SLIT3: variants seen among roughly 807,000 people sequenced by gnomAD.
The protein encoded by SLIT3 is slit guidance ligand 3, also known as slit homolog 3 protein.
A neutral mutation model predicts 184.0 loss-of-function variants in SLIT3; 68 were observed. That is an observed-to-expected ratio of 0.37 (90% CI 0.30 to 0.45). The LOEUF is 0.45. Among genes scored for constraint, SLIT3 ranks in the 20% least tolerant of loss-of-function variants. The probability of loss-of-function intolerance (pLI) is 1.00; values close to 1 mark genes in which losing one functional copy is unlikely to be tolerated. For synonymous variants in SLIT3, 831 were observed against 828.6 expected, an observed-to-expected ratio of 1.00 and a Z score of -0.05; for missense variants, 1,707 against 2,026.0, an observed-to-expected ratio of 0.84 and a Z score of 3.02.
chr5:169,178,108 A>C (rs1763039345), intron 4 of SLIT3, among the ~76,000 whole-genome samples: 1 of 152,246 alleles, frequency 6.6e-6, no homozygotes, highest in Non-Finnish European at 1.5e-5. Flanking sequence ...TTCTGCAGCA[A>C]ATCTATCACC....
intron 4 of SLIT3, among the ~76,000 whole-genome samples, chr5:168,950,629 C>T (rs867917378): frequency 7.2e-5 from 11 of 152,186 alleles, no homozygotes; most frequent in Middle Eastern, 3.2e-3. Flanking sequence ...GCCTAGGGGC[C>T]AGTTTCCCAG....
At chr5:169,032,061 A>T (rs1757044894) in intron 4 of SLIT3, among the ~76,000 whole-genome samples, 1 of 152,182 alleles carries the variant, frequency 6.6e-6, no homozygotes, top group Non-Finnish European at 1.5e-5. Context: ...AGGACAGGCC[A>T]CATAACCAAC....
At chr5:168,719,507 T>C (rs529424576) in intron 23 of SLIT3, among the ~76,000 whole-genome samples, 31 of 152,376 alleles carry the variant, frequency 2.0e-4, no homozygotes, top group Non-Finnish European at 3.7e-4. Context: ...GTTAGGTTTA[T>C]TTCTCCATGT....
At chr5:169,064,806 T>C (rs1355122699) in intron 4 of SLIT3, among the ~76,000 whole-genome samples, 1 of 152,208 alleles carries the variant, frequency 6.6e-6, no homozygotes, top group Non-Finnish European at 1.5e-5. Flanking sequence ...TTTTGAATAT[T>C]TCATATAGAC....
chr5:168,770,025 AAG>A (rs1161895773), intron 14 of SLIT3, among the ~76,000 whole-genome samples: 2 of 152,204 alleles, frequency 1.3e-5, no homozygotes, highest in Admixed American at 6.5e-5. Flanking sequence ...ACTTTTCAGC[AAG>A]AGAGTTTCTT....
At position 169,187,460 on chromosome 5, in the gene SLIT3, C is replaced by T. The variant is rs376605570; in HGVS notation, c.413+6019G>A. Among the ~76,000 whole-genome samples the T allele has an allele frequency of 2.5e-4, 38 of 152,154 alleles. 1 individual carries two copies. The East Asian group carries it at 5.8e-3, about 23-fold the overall frequency. ...CCAAATATGGAACACACTATTTGAA[C>T]CTGAATCTGGGATAGGTGGGCCAAA... On this transcript the variant is annotated intron_variant, in intron 4 of 35. Transcript: ENST00000519560.
chr5:169,112,734 G>C (rs1248526117), intron 4 of SLIT3, among the ~76,000 whole-genome samples: 1 of 152,118 alleles, frequency 6.6e-6, no homozygotes, highest in Non-Finnish European at 1.5e-5. Context: ...GCACCCAATG[G>C]GAGTCATGAG....
chr5:168,950,477 T>G (rs1762615310), intron 4 of SLIT3, among the ~76,000 whole-genome samples: 1 of 152,224 alleles, frequency 6.6e-6, no homozygotes, highest in Non-Finnish European at 1.5e-5. Flanking sequence ...AGTCAATACT[T>G]TAGCCTTTGT....
At chr5:168,763,711 T>TG (rs1003184742) in intron 14 of SLIT3, among the ~76,000 whole-genome samples, 5 of 152,190 alleles carry the variant, frequency 3.3e-5, no homozygotes, top group Non-Finnish European at 7.4e-5. Context: ...TCATGCTGGT[T>TG]GGAACTGAAG....
Position 169,300,367 on chromosome 5 carries a change from C to A in SLIT3, c.197+146G>T. The A allele has an allele frequency of 9.0e-7, 1 of 1,107,980 alleles. No homozygotes were observed. The allele number at this position is 1,107,980 out of a possible 1,614,324, so 68.6% of individuals were successfully genotyped here. ...TGACCAAGCCTACAGACCCCCAGCT[C>A]GGAGAGTGAGGGATCGTATCCAGGA... is the stretch of plus-strand genomic sequence containing the variant. On this transcript the variant is annotated intron_variant, in intron 1 of 35. Transcript: ENST00000519560. The surrounding 1 kb of genome is among the most constrained non-coding windows in gnomAD (Gnocchi z 4.1).
intron 4 of SLIT3, among the ~76,000 whole-genome samples, chr5:168,937,130 T>C (rs1762183852): frequency 2.0e-5 from 3 of 151,858 alleles, no homozygotes; most frequent in Non-Finnish European, 4.4e-5. Flanking sequence ...GAAAAGCTCA[T>C]ATGAAGCCTT....
At chr5:168,771,208 G>A (rs762102094) in intron 14 of SLIT3, among the ~76,000 whole-genome samples, 7 of 152,172 alleles carry the variant, frequency 4.6e-5, no homozygotes, top group Non-Finnish European at 1.0e-4. Context: ...GAGGAAAGGT[G>A]CTGGGGATAG....
At chr5:168,994,736 C>T (rs1380577075) in intron 4 of SLIT3, among the ~76,000 whole-genome samples, 1 of 144,334 alleles carries the variant, frequency 6.9e-6, no homozygotes, top group African/African-American at 2.6e-5. Flanking sequence ...ACCTCCACCT[C>T]CCAGGTTCAA....
At chr5:169,240,335 G>A (rs1188982239) in intron 3 of SLIT3, among the ~76,000 whole-genome samples, 2 of 151,100 alleles carry the variant, frequency 1.3e-5, no homozygotes, top group African/African-American at 2.4e-5. Flanking sequence ...ACCAAAAAGT[G>A]TATCTTAACT....
chr5:169,189,043 A>C (rs1763452585), intron 4 of SLIT3, among the ~76,000 whole-genome samples: 1 of 152,086 alleles, frequency 6.6e-6, no homozygotes. Flanking sequence ...CATCGTAGAG[A>C]CCTCACTGGG....
chr5:169,113,333 G>A (rs1760481076), intron 4 of SLIT3, among the ~76,000 whole-genome samples: 1 of 152,076 alleles, frequency 6.6e-6, no homozygotes, highest in Admixed American at 6.6e-5. Context: ...TTGTATTTTT[G>A]TGACTAGCTT....
In SLIT3 at chr5:168,712,289, G is replaced by A. The variant is rs574153043; in HGVS notation, c.2549C>T (p.Ser850Phe). Reference sequence around the variant, plus strand: ...GAGAAACACTGCTACTTACAGATGGGAAAGAGATGTGAGGTCGTTGAAGGA... The same window carrying A: ...GAGAAACACTGCTACTTACAGATGGAAAAGAGATGTGAGGTCGTTGAAGGA... ...EGSFNDLTSL[S>F]HLALGTNPLH... The change falls in exon 24 of 36, where the codon TCC (serine) becomes TTC (phenylalanine). Residue 850 changes from serine to phenylalanine, a missense_variant. Around this residue, in one of 3 missense-constraint regions of SLIT3, gnomAD observed 1,307 missense variants for 1,511.6 expected, o/e 0.86. Transcript: ENST00000519560. 1.7e-5 allele frequency: 28 copies of A among 1,613,588 alleles called. No individual in the cohort carries two copies. The South Asian group carries it at 2.9e-4, about 16-fold the overall frequency.
chr5:168,873,439 G>A (rs935441393), intron 5 of SLIT3, among the ~76,000 whole-genome samples: 6 of 151,044 alleles, frequency 4.0e-5, no homozygotes, highest in Admixed American at 2.6e-4. Flanking sequence ...AGACCAGCCT[G>A]GGCAACATGG....
intron 4 of SLIT3, among the ~76,000 whole-genome samples, chr5:169,140,308 C>CAAAAAAAAAAAAAAA (rs10536624): frequency 2.4e-5 from 1 of 42,048 alleles, no homozygotes; most frequent in African/African-American, 9.5e-5. Flanking sequence ...ACTAAAAATG[C>CAAAAAAAAAAAAAAA]AAAAAAAAAA....
Sources: allele counts gnomAD v4.1 joint callset (sites outside exome capture counted in the v4.1 genomes callset), GRCh38; gene constraint gnomAD v4.1.1; regional missense constraint gnomAD v4.1.1; non-coding constraint Gnocchi (gnomAD v3.1); transcripts MANE v1.5; gene names NCBI Gene and HGNC (gene_info 2026-07-23, HGNC 2026-07-21).